The following CEP89 variants were observed in gnomAD, a reference collection of about 807,000 sequenced individuals.
The protein encoded by CEP89 is centrosomal protein 89, also known as centrosomal protein of 89 kDa.
CEP89 carries 95 observed loss-of-function variants against 97.6 expected under a neutral mutation model. The observed-to-expected ratio is 0.97, with a 90% CI of 0.82 to 1.15. The LOEUF (loss-of-function observed/expected upper bound fraction) is 1.15, where lower values mean the gene tolerates loss of function less well. Ranked by LOEUF, CEP89 falls within the 50% of genes most tolerant of loss-of-function variation. CEP89 has a pLI of 0.00. For synonymous variants in CEP89, 354 were observed against 349.1 expected (o/e 1.01, Z -0.16); for missense variants, 869 against 947.7 (o/e 0.92, Z 1.09).
chr19:32,968,908 G>C (rs570242519), intron 1 of CEP89: 1 of 152,370 alleles, frequency 6.6e-6, no homozygotes, highest in South Asian at 2.1e-4. Flanking sequence ...ACACAGACAA[G>C]TGAAGGGTGA....
intron 5 of CEP89, among the ~76,000 whole-genome samples, chr19:32,946,639 G>C (rs770197553): frequency 2.0e-5 from 3 of 152,160 alleles, no homozygotes; most frequent in Non-Finnish European, 4.4e-5. Context: ...GAGGGACCCA[G>C]TGGGAGATAA....
chr19:32,938,330 A>G (rs1219011575), intron 6 of CEP89, among the ~76,000 whole-genome samples: 1 of 152,178 alleles, frequency 6.6e-6, no homozygotes, highest in Non-Finnish European at 1.5e-5. Flanking sequence ...AGATGCCCTC[A>G]GCAAACTCCA....
At chr19:32,902,595 C>A (rs1200801320) in intron 14 of CEP89, among the ~76,000 whole-genome samples, 1 of 152,160 alleles carries the variant, frequency 6.6e-6, no homozygotes, top group Non-Finnish European at 1.5e-5. Context: ...GGACTGTGAT[C>A]CCAAAGGGAA....
intron 14 of CEP89, among the ~76,000 whole-genome samples, chr19:32,909,611 A>C (rs1248498017): frequency 2.6e-5 from 4 of 152,252 alleles, no homozygotes; most frequent in African/African-American, 9.6e-5. Flanking sequence ...TGCCATGAGA[A>C]AAGAAAGTAC....
chr19:32,919,128 G>C (rs1970196042), intron 12 of CEP89, among the ~76,000 whole-genome samples: 1 of 151,942 alleles, frequency 6.6e-6, no homozygotes, highest in East Asian at 1.9e-4. Flanking sequence ...CCCGTGATCT[G>C]CCCGCCTCGG....
intron 10 of CEP89, 106 bp from the exon 11 acceptor site, chr19:32,926,379 G>A: frequency 1.2e-6 from 1 of 800,036 alleles, no homozygotes; most frequent in Non-Finnish European, 2.1e-6. Flanking sequence ...GGTTTCTTTG[G>A]TTGCAGTTGT....
At chr19:32,910,291 G>A (rs879848105) in intron 14 of CEP89, among the ~76,000 whole-genome samples, 181 of 136,980 alleles carry the variant, frequency 1.3e-3, no homozygotes, top group Non-Finnish European at 1.6e-3. Context: ...GAGAGAGAGC[G>A]AGAGAGAGAG....
intron 16 of CEP89, 130 bp downstream of exon 16, chr19:32,899,727 G>T: frequency 1.2e-6 from 1 of 835,462 alleles, no homozygotes. Context: ...AAATTCCTAG[G>T]TGGAACCATC....
intron 11 of CEP89, among the ~76,000 whole-genome samples, chr19:32,924,751 A>T (rs566549021): frequency 6.6e-6 from 1 of 152,156 alleles, no homozygotes; most frequent in Admixed American, 6.5e-5. Flanking sequence ...CTGTTTTTAT[A>T]AATAAAGTTT....
intron 4 of CEP89, among the ~76,000 whole-genome samples, chr19:32,952,945 T>C (rs1303530686): frequency 1.7e-5 from 2 of 115,288 alleles, no homozygotes; most frequent in Non-Finnish European, 1.9e-5. Context: ...AGAAAAGAAA[T>C]GAAAAGAAAG....
chr19:32,954,031 G>A (rs190772845), intron 3 of CEP89, among the ~76,000 whole-genome samples: 1 of 151,906 alleles, frequency 6.6e-6, no homozygotes, highest in Admixed American at 6.6e-5. Context: ...ACCGCGCCTG[G>A]CTAATTTTTT....
intron 13 of CEP89, among the ~76,000 whole-genome samples, chr19:32,916,383 A>G (rs1174965798): frequency 6.6e-6 from 1 of 152,242 alleles, no homozygotes; most frequent in Admixed American, 6.5e-5. Context: ...TTTACCAAAC[A>G]TGATTCCAGT....
intron 9 of CEP89, among the ~76,000 whole-genome samples, chr19:32,929,615 G>A (rs76237737): frequency 7.3e-6 from 1 of 136,260 alleles, no homozygotes. Flanking sequence ...AAAAAAAAAA[G>A]AGAGAGAGAG....
At chr19:32,918,071 CG>C (rs1970166013) in intron 13 of CEP89, among the ~76,000 whole-genome samples, 152 bp downstream of exon 13, 1 of 152,056 alleles carries the variant, frequency 6.6e-6, no homozygotes, top group Admixed American at 6.6e-5. Context: ...AGGGTAGTGA[CG>C]TGGAAAGGTT....
In CEP89 at chr19:32,939,882, C is replaced by T. The variant is rs368677926; in HGVS notation, c.599G>A (p.Gly200Asp). Reference sequence around the variant, plus strand: ...CTTTAAATTCAGAACAGGGTGTTTACCATCTGATGAAGAAAAAGAGAGAGA... The same window carrying T: ...CTTTAAATTCAGAACAGGGTGTTTATCATCTGATGAAGAAAAAGAGAGAGA... ...PAPQRTQQKD[G>D]KHPVLNLKDE... The change falls in exon 6 of 19, where the codon GGT (glycine) becomes GAT (aspartate). Residue 200 changes from glycine (G) to aspartate (D), a missense_variant. Coordinates refer to ENST00000305768, the MANE Select transcript of CEP89 (RefSeq NM_032816.5). The T allele has an allele frequency of 8.5e-5, 108 of 1,274,694 alleles. No homozygotes were observed. In the African/African-American group the frequency reaches 1.5e-3, roughly 18 times the overall value. The allele number at this position is 1,274,694 out of a possible 1,614,324, so 79.0% of individuals were successfully genotyped here. A position where few individuals can be genotyped will look rare whatever the true frequency, so the allele number is the denominator to read the frequency against.
intron 2 of CEP89, among the ~76,000 whole-genome samples, chr19:32,964,430 C>T (rs1266706484): frequency 6.6e-6 from 1 of 152,190 alleles, no homozygotes; most frequent in African/African-American, 2.4e-5. Context: ...CCTTAGCCTC[C>T]CAAATTGCTG....
intron 18 of CEP89, 107 bp downstream of exon 18, chr19:32,881,737 A>G: frequency 3.6e-6 from 4 of 1,119,770 alleles, no homozygotes; most frequent in Non-Finnish European, 4.9e-6. Flanking sequence ...ATGTAGAAAC[A>G]AAATTAAACA....
In CEP89 at chr19:32,879,275, C is replaced by T; in HGVS notation, c.2239G>A (p.Asp747Asn). Residue 747 changes from aspartate to asparagine, a missense_variant, in exon 19 of 19, where the codon GAC becomes AAC. By Grantham distance (23) the Asp-to-Asn change is conservative (BLOSUM62 1). Transcript: ENST00000305768. ...QDTLTRTGVQ[D>N]NPRALVAPSL... ...GGGGCAACCAGAGCTCTGGGGTTGT[C>T]CTGCACGCCTGTCCTCGTGAGTGTG... is the stretch of plus-strand genomic sequence containing the variant. 1.5e-5 allele frequency: 24 copies of T among 1,614,246 alleles called. No homozygotes were observed. The highest frequency in any genetic ancestry group is 1.9e-5 in the Non-Finnish European group (23 of 1,180,046).
intron 4 of CEP89, 118 bp from the exon 5 acceptor site, chr19:32,948,486 T>C: frequency 1.7e-6 from 1 of 575,654 alleles, no homozygotes; most frequent in Non-Finnish European, 3.1e-6. Flanking sequence ...GCTTCCTCCA[T>C]GGGCACTTCA....
Sources: allele counts gnomAD v4.1 joint callset (sites outside exome capture counted in the v4.1 genomes callset), GRCh38; gene constraint gnomAD v4.1.1; transcripts MANE v1.5; gene names NCBI Gene and HGNC (gene_info 2026-07-23, HGNC 2026-07-21).